Variants in RABGAP1L observed in about 807,000 individuals in gnomAD.
RABGAP1L encodes the protein rab GTPase-activating protein 1-like.
Under a neutral mutation model 137.7 loss-of-function variants are expected in RABGAP1L, and 63 were observed. The ratio of observed to expected loss-of-function variants is 0.46; its 90% CI spans 0.37 to 0.56. RABGAP1L has a LOEUF of 0.56. Among genes scored for constraint, RABGAP1L ranks in the 20% least tolerant of loss-of-function variants. RABGAP1L has a pLI of 0.00. For missense variants in RABGAP1L, 1,095 were observed against 1,244.0 expected, an observed-to-expected ratio of 0.88 and a Z score of 1.80; for synonymous variants, 431 against 433.7, an observed-to-expected ratio of 0.99 and a Z score of 0.08.
At chr1:174,196,634 A>G (rs1199634216) in intron 1 of RABGAP1L, among the ~76,000 whole-genome samples, 2 of 115,780 alleles carry the variant, frequency 1.7e-5, no homozygotes, top group African/African-American at 3.3e-5. Context: ...TGTTGTTTTC[A>G]TATTATTTTT....
chr1:174,320,255 C>G (rs1242299461), intron 11 of RABGAP1L, among the ~76,000 whole-genome samples: 2 of 152,168 alleles, frequency 1.3e-5, no homozygotes, highest in African/African-American at 4.8e-5. Context: ...CGTTTCCCCT[C>G]ACTTGTGGTT....
chr1:174,372,494 A>G lies in RABGAP1L; in HGVS notation c.1559+1422A>G, dbSNP rs2149004166. On this transcript the variant is annotated intron_variant, in intron 12 of 25. Transcript: ENST00000681986. ...TTCTGTTATCTGGTCTAAGTGAAGC[A>G]GAATGACAAAAGGGATGTTAACCTA... Among the ~76,000 whole-genome samples the G allele has an allele frequency of 1.3e-5, 2 of 152,292 alleles. 1 individual carries two copies. The highest frequency in any genetic ancestry group is 4.1e-4 in the South Asian group (2 of 4,828).
chr1:174,186,163 T>A (rs937391633), intron 1 of RABGAP1L, among the ~76,000 whole-genome samples: 12 of 150,666 alleles, frequency 8.0e-5, no homozygotes, highest in Admixed American at 2.0e-4. Context: ...AAAAAAAAAA[T>A]TTCTTAAAAA....
intron 17 of RABGAP1L, among the ~76,000 whole-genome samples, chr1:174,732,547 A>T (rs1330241513): frequency 6.6e-6 from 1 of 152,226 alleles, no homozygotes; most frequent in Non-Finnish European, 1.5e-5. Context: ...ACATCAAAGG[A>T]ATTAAGAATA....
At chr1:174,612,165 C>A (rs945871220) in intron 13 of RABGAP1L, among the ~76,000 whole-genome samples, 1 of 152,144 alleles carries the variant, frequency 6.6e-6, no homozygotes, top group African/African-American at 2.4e-5. Flanking sequence ...CAGTTTTTGC[C>A]CATTCAGTAT....
At chr1:174,169,296 T>C (rs1046488821) in intron 1 of RABGAP1L, among the ~76,000 whole-genome samples, 1 of 152,094 alleles carries the variant, frequency 6.6e-6, no homozygotes, top group East Asian at 1.9e-4. Flanking sequence ...CTTGGCTCAC[T>C]GCAGCCTCTG....
intron 1 of RABGAP1L, among the ~76,000 whole-genome samples, chr1:174,206,697 A>G (rs1231320399): frequency 2.0e-5 from 3 of 152,170 alleles, no homozygotes; most frequent in Admixed American, 1.3e-4. Flanking sequence ...CACTGAAGGA[A>G]ATTAGATCAC....
At chr1:174,817,183 T>A (rs904919696) in intron 19 of RABGAP1L, among the ~76,000 whole-genome samples, 1 of 152,214 alleles carries the variant, frequency 6.6e-6, no homozygotes, top group Non-Finnish European at 1.5e-5. Context: ...TAGAGCTTTT[T>A]AAAATATGTT....
chr1:174,289,760 G>A (rs1378840750), intron 10 of RABGAP1L, among the ~76,000 whole-genome samples: 2 of 152,194 alleles, frequency 1.3e-5, no homozygotes, highest in East Asian at 3.9e-4. Context: ...GTTGGGTGGA[G>A]CTCTCTTGTT....
intron 19 of RABGAP1L, among the ~76,000 whole-genome samples, chr1:174,896,774 G>C (rs1657268705): frequency 6.6e-6 from 1 of 151,942 alleles, no homozygotes; most frequent in Non-Finnish European, 1.5e-5. Flanking sequence ...ATTTCTGAGG[G>C]CTCTGTTCTG....
chr1:174,934,555 G>A (rs1664421055), intron 19 of RABGAP1L, among the ~76,000 whole-genome samples: 1 of 152,074 alleles, frequency 6.6e-6, no homozygotes, highest in Non-Finnish European at 1.5e-5. Context: ...GGGAGGCTGA[G>A]GCAGGTGGAT....
chr1:174,533,586 T>C (rs1664625256), intron 13 of RABGAP1L, among the ~76,000 whole-genome samples: 1 of 152,232 alleles, frequency 6.6e-6, no homozygotes, highest in African/African-American at 2.4e-5. Context: ...TTCCTTATGA[T>C]TTTCTTAGAG....
chr1:174,176,268 T>C lies in RABGAP1L; in HGVS notation c.-34+16611T>C, dbSNP rs144778136. On this transcript the variant is annotated intron_variant, in intron 1 of 25. Transcript: ENST00000681986. Reference sequence around the variant, plus strand: ...TTACATCACATTAATGAACTTTTTGTAACCTGTTACATTTAAAATCCACTG... The same window carrying C: ...TTACATCACATTAATGAACTTTTTGCAACCTGTTACATTTAAAATCCACTG... 3.9e-3 allele frequency among the ~76,000 whole-genome samples: 596 copies of C among 152,368 alleles called. 4 individuals carry two copies. The highest frequency in any genetic ancestry group is 0.012 in the African/African-American group (515 of 41,584).
intron 13 of RABGAP1L, among the ~76,000 whole-genome samples, chr1:174,599,694 A>G (rs1315918908): frequency 6.6e-6 from 1 of 151,964 alleles, no homozygotes; most frequent in Non-Finnish European, 1.5e-5. Context: ...CTGCAGCCAA[A>G]CTTAGTGGAG....
intron 23 of RABGAP1L, 123 bp from the exon 24 acceptor site, chr1:174,982,711 C>G (rs1671244227): frequency 1.0e-6 from 1 of 969,348 alleles, no homozygotes; most frequent in East Asian, 2.7e-5. Flanking sequence ...CAGTGCTATT[C>G]ATTTGTAAAA....
At chr1:174,252,362 T>A (rs895052083) in intron 6 of RABGAP1L, 118 bp from the exon 7 acceptor site, 5 of 1,230,898 alleles carry the variant, frequency 4.1e-6, no homozygotes, top group Admixed American at 3.2e-5. Context: ...GTTTAGTATA[T>A]CTTAAGAATA....
At chr1:174,954,319 A>G (rs1246266646) in intron 19 of RABGAP1L, 1 of 152,150 alleles carries the variant, frequency 6.6e-6, no homozygotes, top group Non-Finnish European at 1.5e-5. Context: ...TTGTTCTGGG[A>G]ACCTGCTCTG....
At chr1:174,933,434 C>G (rs766773948) in intron 19 of RABGAP1L, among the ~76,000 whole-genome samples, 14 of 152,038 alleles carry the variant, frequency 9.2e-5, no homozygotes, top group Non-Finnish European at 1.9e-4. Flanking sequence ...CCAGGTCTCC[C>G]CAAGCACATG....
chr1:174,297,321 A>G (rs1369584513), intron 10 of RABGAP1L, among the ~76,000 whole-genome samples: 1 of 152,152 alleles, frequency 6.6e-6, no homozygotes, highest in African/African-American at 2.4e-5. Flanking sequence ...AAGGGTGAGT[A>G]AAGCAGGATT....
Sources: allele counts gnomAD v4.1 joint callset (sites outside exome capture counted in the v4.1 genomes callset), GRCh38; gene constraint gnomAD v4.1.1; transcripts MANE v1.5; gene names NCBI Gene and HGNC (gene_info 2026-07-23, HGNC 2026-07-21).